Variants in SIPA1L3 observed in about 807,000 individuals in gnomAD.
SIPA1L3 encodes the protein signal-induced proliferation-associated 1-like protein 3.
SIPA1L3 carries 59 observed loss-of-function variants against 150.1 expected under a neutral mutation model. The ratio of observed to expected loss-of-function variants is 0.39; its 90% CI spans 0.32 to 0.49. The LOEUF is 0.49. Among genes scored for constraint, SIPA1L3 ranks in the 20% least tolerant of loss-of-function variants. SIPA1L3 has a pLI of 0.86. For synonymous variants in SIPA1L3, 1,070 were observed against 1,077.6 expected (o/e 0.99, Z 0.14); for missense variants, 2,211 against 2,489.5 (o/e 0.89, Z 2.38).
intron 2 of SIPA1L3, among the ~76,000 whole-genome samples, chr19:38,032,101 C>T (rs1234572690): frequency 6.6e-6 from 1 of 152,120 alleles, no homozygotes; most frequent in Non-Finnish European, 1.5e-5. Flanking sequence ...GTGCTGTTTC[C>T]CTGATGGCAG....
At chr19:38,158,947 CTG>C (rs1402088433) in intron 13 of SIPA1L3, among the ~76,000 whole-genome samples, 1 of 152,234 alleles carries the variant, frequency 6.6e-6, no homozygotes, top group Non-Finnish European at 1.5e-5. Flanking sequence ...AGGTAGAGCA[CTG>C]GAGTTGTCCG....
At chr19:38,069,569 C>T (rs567086251) in intron 2 of SIPA1L3, among the ~76,000 whole-genome samples, 14 of 152,256 alleles carry the variant, frequency 9.2e-5, no homozygotes, top group East Asian at 1.9e-4. Context: ...AATCAGCTGC[C>T]GAGCTTTTAA....
At chr19:37,956,548 A>G (rs1423804038) in intron 1 of SIPA1L3, among the ~76,000 whole-genome samples, 1 of 147,256 alleles carries the variant, frequency 6.8e-6, no homozygotes, top group African/African-American at 2.6e-5. Context: ...CAGTGGCACA[A>G]TCTCGGCTCA....
At chr19:38,050,187 G>A (rs1969156760) in intron 2 of SIPA1L3, among the ~76,000 whole-genome samples, 1 of 152,232 alleles carries the variant, frequency 6.6e-6, no homozygotes, top group South Asian at 2.1e-4. Flanking sequence ...TGGGCATGGT[G>A]GCTCACGCCT....
intron 21 of SIPA1L3, among the ~76,000 whole-genome samples, chr19:38,205,210 T>A (rs1194033558): frequency 5.3e-5 from 8 of 152,068 alleles, no homozygotes; most frequent in Non-Finnish European, 8.8e-5. Context: ...GGCTCACACC[T>A]GTAATCCCAG....
chr19:37,911,376 T>A (rs2046376069), intron 1 of SIPA1L3, among the ~76,000 whole-genome samples: 1 of 152,150 alleles, frequency 6.6e-6, no homozygotes, highest in African/African-American at 2.4e-5. Flanking sequence ...TGGCTGGGCA[T>A]GTCCTTCCAA....
At chr19:38,032,302 A>G (rs1346539272) in intron 2 of SIPA1L3, among the ~76,000 whole-genome samples, 1 of 152,138 alleles carries the variant, frequency 6.6e-6, no homozygotes, top group Non-Finnish European at 1.5e-5. Flanking sequence ...AATTCCTAGC[A>G]TTGCCTCTCA....
At chr19:37,986,781 T>C (rs897270576) in intron 1 of SIPA1L3, among the ~76,000 whole-genome samples, 1 of 152,210 alleles carries the variant, frequency 6.6e-6, no homozygotes, top group African/African-American at 2.4e-5. Context: ...AGACTTTTTT[T>C]TCTTAGCTGC....
At chr19:38,155,032 A>G (rs1179998595) in intron 13 of SIPA1L3, among the ~76,000 whole-genome samples, 1 of 152,152 alleles carries the variant, frequency 6.6e-6, no homozygotes, top group African/African-American at 2.4e-5. Context: ...AAGTGCTGAG[A>G]TTACAGGTGT....
intron 1 of SIPA1L3, among the ~76,000 whole-genome samples, chr19:37,916,714 C>G (rs983391849): frequency 1.3e-5 from 2 of 152,008 alleles, no homozygotes; most frequent in Non-Finnish European, 2.9e-5. Context: ...AATCCCAGCA[C>G]TTTGGGAGGC....
At chr19:38,102,944 G>A (rs1041236440) in intron 6 of SIPA1L3, among the ~76,000 whole-genome samples, 4 of 151,924 alleles carry the variant, frequency 2.6e-5, no homozygotes, top group African/African-American at 9.7e-5. Context: ...GGCCAAAATG[G>A]TGAAACCCCA....
chr19:37,969,268 T>C (rs934454820), intron 1 of SIPA1L3, among the ~76,000 whole-genome samples: 1 of 150,942 alleles, frequency 6.6e-6, no homozygotes, highest in African/African-American at 2.4e-5. Context: ...AAAAACCTTA[T>C]AGGCCAGGTG....
rs374426252 is a variant in SIPA1L3 at position 37,948,145 on chromosome 19, C to T, written c.-379+40787C>T. 3.3e-5 allele frequency among the ~76,000 whole-genome samples: 5 copies of T among 152,160 alleles called. No individual in the cohort carries two copies. In the South Asian group the frequency reaches 6.2e-4, roughly 19 times the overall value. Reference sequence around the variant, plus strand: ...CATGGCTGGGCCAAACCAGGGAAGACGCTGACATCAAGCACAATTGAGAAC... The same window carrying T: ...CATGGCTGGGCCAAACCAGGGAAGATGCTGACATCAAGCACAATTGAGAAC... On this transcript the variant is annotated intron_variant, in intron 1 of 21. Coordinates refer to ENST00000222345, the MANE Select transcript of SIPA1L3 (RefSeq NM_015073.3).
At chr19:38,108,641 C>T (rs561890954) in intron 7 of SIPA1L3, 86 of 152,370 alleles carry the variant, frequency 5.6e-4, no homozygotes, top group African/African-American at 2.0e-3. Flanking sequence ...CCATGGATCT[C>T]CTGCATTGGC....
intron 2 of SIPA1L3, among the ~76,000 whole-genome samples, chr19:38,050,849 A>G (rs1248398850): frequency 1.3e-5 from 2 of 152,138 alleles, no homozygotes; most frequent in East Asian, 3.9e-4. Context: ...ACTTGAGGCC[A>G]GGAGTTCAAG....
chr19:37,997,533 A>C (rs1386076031), intron 1 of SIPA1L3, among the ~76,000 whole-genome samples: 1 of 130,738 alleles, frequency 7.6e-6, no homozygotes, highest in Non-Finnish European at 1.6e-5. Context: ...GTGCCACTGC[A>C]CTCCAGCCTG....
At chr19:38,097,326 G>A (rs1970402591) in intron 4 of SIPA1L3, among the ~76,000 whole-genome samples, 1 of 152,078 alleles carries the variant, frequency 6.6e-6, no homozygotes, top group Non-Finnish European at 1.5e-5. Flanking sequence ...TCCAGCCTGG[G>A]CAACAGAGTT....
rs139581769 is a variant in SIPA1L3 at position 38,006,719 on chromosome 19, C to T, written c.-378-22370C>T. 2.9e-3 allele frequency among the ~76,000 whole-genome samples: 435 copies of T among 152,252 alleles called. 1 individual carries two copies. The highest frequency in any genetic ancestry group is 4.7e-3 in the Non-Finnish European group (321 of 68,020). ...CTAGTGGGAGGGAAAGCAGAACTGTCGCTTTGGAGGGGACTCTGGCCATTC... is the reference window on the plus strand; with the variant it reads ...CTAGTGGGAGGGAAAGCAGAACTGTTGCTTTGGAGGGGACTCTGGCCATTC... On this transcript the variant is annotated intron_variant, in intron 1 of 21. Coordinates refer to ENST00000222345, the MANE Select transcript of SIPA1L3 (RefSeq NM_015073.3).
intron 1 of SIPA1L3, among the ~76,000 whole-genome samples, chr19:37,943,383 G>T (rs1431855196): frequency 1.3e-5 from 2 of 152,126 alleles, no homozygotes; most frequent in African/African-American, 4.8e-5. Context: ...AACTACAGCT[G>T]TTAATTCATG....
Sources: gnomAD v4.1 joint callset for allele counts (sites outside exome capture counted in the v4.1 genomes callset) on GRCh38, gnomAD v4.1.1 for gene constraint, MANE v1.5 for transcripts, NCBI Gene and HGNC (gene_info 2026-07-23, HGNC 2026-07-21) for gene names.